The following KPNA2 variants were observed in gnomAD, a reference collection of about 807,000 sequenced individuals.
KPNA2 encodes the protein karyopherin subunit alpha 2.
KPNA2 carries 20 observed loss-of-function variants against 53.7 expected under a neutral mutation model. That is an observed-to-expected ratio of 0.37 (90% CI 0.26 to 0.54). KPNA2 has a LOEUF of 0.54. Among genes scored for constraint, KPNA2 ranks in the 20% least tolerant of loss-of-function variants. The probability of loss-of-function intolerance (pLI) is 0.83; values close to 1 mark genes in which losing one functional copy is unlikely to be tolerated. For missense variants in KPNA2, 515 were observed against 640.3 expected (o/e 0.80, Z 2.11); for synonymous variants, 238 against 227.5 (o/e 1.05, Z -0.42).
In KPNA2 at chr17:68,046,668, A is replaced by G. The variant is rs2071335374; in HGVS notation, c.*72A>G. On this transcript the variant is annotated 3_prime_UTR_variant, in exon 11 of 11. Coordinates refer to ENST00000330459, the MANE Select transcript of KPNA2 (RefSeq NM_002266.4). ...TTGTCTTATTGTTTCTCTACTAAGA[A>G]CTCTTTCTTAAATGTGGTTTGTTAC... 6.3e-6 allele frequency: 6 copies of G among 946,980 alleles called. No individual in the cohort carries two copies. The South Asian group carries it at 8.3e-5, about 13-fold the overall frequency. The allele number at this position is 946,980 out of a possible 1,614,324, so 58.7% of individuals were successfully genotyped here.
rs1555704652 is a variant in KPNA2 at position 68,042,240 on chromosome 17, A to G, written c.458A>G (p.Glu153Gly). Reference protein sequence around the residue: ...ALTNIASGTSEQTKAVVDGGA... With the variant: ...ALTNIASGTSGQTKAVVDGGA... The stretch of plus-strand genomic sequence containing the variant: ...ACTAACATTGCTTCTGGGACATCAG[A>G]ACAAACCAAGGCTGTGGTAGATGGA... Residue 153 changes from glutamate to glycine, a missense_variant, in exon 5 of 11, where the codon GAA becomes GGA. Glu to Gly is a moderately conservative substitution (Grantham distance 98, BLOSUM62 -2). Transcript: ENST00000330459. 3 of 1,614,060 alleles carry G rather than the reference A, an allele frequency of 1.9e-6. No homozygotes were observed. The highest frequency in any genetic ancestry group is 2.5e-6 in the Non-Finnish European group (3 of 1,180,042).
chr17:68,040,295 C>T (rs2071243957), intron 3 of KPNA2, among the ~76,000 whole-genome samples: 1 of 134,486 alleles, frequency 7.4e-6, no homozygotes. Context: ...TGGGAGGTCT[C>T]ACTGTGTTGC....
chr17:68,045,928 A>C lies in KPNA2; in HGVS notation c.1497+7A>C. ...GAAGTATTTCTCTGTAGAGGTGAGT[A>C]ATGGATGGTAATATTAATAACAACT... On this transcript the variant is annotated splice_region_variant and intron_variant, in intron 10 of 10. Transcript: ENST00000330459. 1 of 1,513,026 alleles carries C rather than the reference A, an allele frequency of 6.6e-7. No individual in the cohort carries two copies. The allele number at this position is 1,513,026 out of a possible 1,614,324, so 93.7% of individuals were successfully genotyped here. A position where few individuals can be genotyped will look rare whatever the true frequency, so the allele number is the denominator to read the frequency against.
In KPNA2 at chr17:68,044,005, C is replaced by T. The variant is rs781801570; in HGVS notation, c.1098C>T (p.Arg366=). The T allele has an allele frequency of 8.1e-6, 13 of 1,613,952 alleles. No individual in the cohort carries two copies. The highest frequency in any genetic ancestry group is 9.3e-6 in the Non-Finnish European group (11 of 1,179,888). ...CAATGTCAAACATCACAGCCGGCCG[C>T]CAGGACCAGATACAGCAAGTTGTGA... ...TWTMSNITAG[R]QDQIQQVVNH... is the part of the protein sequence containing the mutation. Residue 366 remains arginine, a synonymous_variant, in exon 8 of 11, where the codon CGC becomes CGT. Transcript: ENST00000330459.
rs1464868830 is a variant in KPNA2 at position 68,037,141 on chromosome 17, C to T, written c.9C>T (p.Thr3=). The T allele has an allele frequency of 2.5e-5, 41 of 1,612,448 alleles. No homozygotes were observed. In the Admixed American group the frequency reaches 6.0e-4, roughly 24 times the overall value. MS[T]NENANTPAAR... ...CCCTTTGTCTCATAACCATGTCCAC[C>T]AACGAGAATGCTAATACACCAGCTG... The change falls in exon 2 of 11, where the codon ACC becomes ACT. Residue 3 remains threonine, a synonymous_variant. Transcript: ENST00000330459.
chr17:68,041,331 A>G (rs2071257764), intron 4 of KPNA2, among the ~76,000 whole-genome samples: 1 of 152,198 alleles, frequency 6.6e-6, no homozygotes, highest in Non-Finnish European at 1.5e-5. Flanking sequence ...TGGGAGGCCA[A>G]GGGGTCGGTT....
At chr17:68,042,478 T>G in intron 5 of KPNA2, 125 bp downstream of exon 5, 1 of 1,034,688 alleles carries the variant, frequency 9.7e-7, no homozygotes, top group South Asian at 1.5e-5. Context: ...TTATTAGGAA[T>G]GAAAGTGTCG....
intron 4 of KPNA2, among the ~76,000 whole-genome samples, 172 bp downstream of exon 4, chr17:68,040,938 T>C (rs570369704): frequency 1.6e-4 from 25 of 152,292 alleles, no homozygotes; most frequent in African/African-American, 6.0e-4. Context: ...GGGGAGGCCT[T>C]GCTATTTTGC....
chr17:68,041,875 A>G (rs2071264305), intron 4 of KPNA2, among the ~76,000 whole-genome samples: 1 of 152,164 alleles, frequency 6.6e-6, no homozygotes, highest in Non-Finnish European at 1.5e-5. Flanking sequence ...TAATTTCTGG[A>G]AAAATGGTAG....
chr17:68,038,470 T>C (rs2071216660), intron 3 of KPNA2, among the ~76,000 whole-genome samples: 1 of 152,236 alleles, frequency 6.6e-6, no homozygotes, highest in Non-Finnish European at 1.5e-5. Flanking sequence ...ACCAGCTTTG[T>C]TCAGGACTTT....
chr17:68,046,388 C>T (rs1260545591), intron 10 of KPNA2, 116 bp from the exon 11 acceptor site: 1 of 621,630 alleles, frequency 1.6e-6, no homozygotes, highest in Non-Finnish European at 2.8e-6. Flanking sequence ...TAATATCATA[C>T]AGGATTAAAG....
intron 8 of KPNA2, 63 bp from the exon 9 acceptor site, chr17:68,044,258 G>C: frequency 6.7e-7 from 1 of 1,485,438 alleles, no homozygotes. Context: ...TTGTGAAAAA[G>C]TACTCTTGGA....
chr17:68,046,329 A>G (rs2071330260), intron 10 of KPNA2, among the ~76,000 whole-genome samples, 175 bp from the exon 11 acceptor site: 1 of 152,212 alleles, frequency 6.6e-6, no homozygotes, highest in Non-Finnish European at 1.5e-5. Flanking sequence ...GCTAGCATTT[A>G]TGAATTGGCA....
intron 3 of KPNA2, among the ~76,000 whole-genome samples, chr17:68,038,443 A>G (rs569919453): frequency 2.6e-5 from 4 of 152,020 alleles, no homozygotes; most frequent in South Asian, 2.1e-4. Flanking sequence ...GGTATTCTCT[A>G]TGTTTTTGTA....
chr17:68,043,043 A>T (rs782764729), intron 6 of KPNA2, 44 bp downstream of exon 6: 2 of 1,612,260 alleles, frequency 1.2e-6, no homozygotes, highest in South Asian at 2.2e-5. Context: ...CTTCATTCTA[A>T]TTTCCCCCAT....
Position 68,042,970 on chromosome 17 carries a change from CTT to C in KPNA2, c.638_639del (p.Leu213ArgfsTer4). ...TGCAGTTGACCCACTGTTGGCTCTC[CTT>C]GCAGTTCCTGATATGTCATCTTTAG... is the stretch of plus-strand genomic sequence containing the variant. ...YGAVDPLLAL[L>X]AVPDMSSLAC... On this transcript the variant is annotated frameshift_variant, in exon 6 of 11. Transcript: ENST00000330459. LOFTEE classifies it high-confidence loss of function. 1 of 1,613,626 alleles carries C rather than the reference CTT, an allele frequency of 6.2e-7. No individual in the cohort carries two copies. Among genetic ancestry groups the C allele is most frequent in the Non-Finnish European group, 8.5e-7 (1 of 1,179,758 alleles).
rs782100945 is a variant in KPNA2 at position 68,045,786 on chromosome 17, A to G, written c.1362A>G (p.Leu454=). ...TTTTTTTTTAGGCTGCTGAGAAACTAGGTGAAACTGAGAAACTTAGTATAA... is the reference window on the plus strand; with the variant it reads ...TTTTTTTTTAGGCTGCTGAGAAACTGGGTGAAACTGAGAAACTTAGTATAA... The part of the protein sequence containing the change: ...ISNIFQAAEK[L]GETEKLSIMI... Residue 454 remains leucine, a synonymous_variant, in exon 10 of 11, where the codon CTA becomes CTG. Coordinates refer to ENST00000330459, the MANE Select transcript of KPNA2 (RefSeq NM_002266.4). 1.8e-5 allele frequency: 28 copies of G among 1,578,160 alleles called. No homozygotes were observed. In the African/African-American group the frequency reaches 2.9e-4, roughly 16 times the overall value.
chr17:68,040,763 C>G lies in KPNA2; in HGVS notation c.299C>G (p.Ala100Gly), dbSNP rs2071250472. The G allele has an allele frequency of 6.2e-7, 1 of 1,609,890 alleles. No individual in the cohort carries two copies. Among genetic ancestry groups the G allele is most frequent in the African/African-American group, 1.3e-5 (1 of 74,668 alleles). The change falls in exon 4 of 11, where the codon GCC (alanine) becomes GGC (glycine). Residue 100 changes from alanine (A) to glycine (G), a missense_variant. Physicochemically the swap from Ala to Gly is moderately conservative, Grantham distance 60. Coordinates refer to ENST00000330459, the MANE Select transcript of KPNA2 (RefSeq NM_002266.4). ...AATCAGCTCCAAGCTACTCAAGCTG[C>G]CAGGTAAGTCTTGTCTGCGATAGCA... ...VENQLQATQAARKLLSREKQP... is the reference protein window; with the variant it reads ...VENQLQATQAGRKLLSREKQP...
At position 68,043,958 on chromosome 17, in the gene KPNA2, A is replaced by G; in HGVS notation, c.1051A>G (p.Ile351Val). Residue 351 changes from isoleucine (I) to valine (V), a missense_variant, in exon 8 of 11, where the codon ATT becomes GTT. Physicochemically the swap from Ile to Val is conservative, Grantham distance 29 (BLOSUM62 3). Coordinates refer to ENST00000330459, the MANE Select transcript of KPNA2 (RefSeq NM_002266.4). ...CCTGCTCACCAACCCCAAAACTAAC[A>G]TTCAGAAGGAAGCTACGTGGACAAT... Reference protein sequence around the residue: ...PSLLTNPKTNIQKEATWTMSN... With the variant: ...PSLLTNPKTNVQKEATWTMSN... 1 of 1,613,946 alleles carries G rather than the reference A, an allele frequency of 6.2e-7. No homozygotes were observed. The highest frequency in any genetic ancestry group is 1.3e-5 in the African/African-American group (1 of 75,040).
Sources: allele counts gnomAD v4.1 joint callset (sites outside exome capture counted in the v4.1 genomes callset), GRCh38; gene constraint gnomAD v4.1.1; transcripts MANE v1.5; gene names NCBI Gene and HGNC (gene_info 2026-07-23, HGNC 2026-07-21).